The following NAPB variants were observed in gnomAD, a reference collection of about 807,000 sequenced individuals.
NAPB encodes the protein NSF attachment protein beta.
In NAPB, 26 loss-of-function variants were observed where a neutral mutation model predicts 44.7. The observed-to-expected ratio is 0.58, with a 90% CI of 0.43 to 0.81. NAPB has a LOEUF of 0.81. Among genes scored for constraint, NAPB ranks in the 30% least tolerant of loss-of-function variants. The pLI, the probability that NAPB is intolerant of heterozygous loss-of-function variation, is 0.00. For missense variants in NAPB, 315 were observed against 356.4 expected (o/e 0.88, Z 0.94); for synonymous variants, 120 against 116.8 (o/e 1.03, Z -0.18).
chr20:23,383,569 A>T (rs1983218410), intron 7 of NAPB, among the ~76,000 whole-genome samples: 1 of 152,212 alleles, frequency 6.6e-6, no homozygotes. Context: ...GAAAAGAACA[A>T]TCAACTTAGA....
chr20:23,396,844 T>C (rs1984403676), intron 3 of NAPB: 1 of 315,824 alleles, frequency 3.2e-6, no homozygotes, highest in Non-Finnish European at 5.6e-6. Flanking sequence ...AATGATGCTA[T>C]AAAGTAAACA....
chr20:23,380,416 T>C (rs1982902453), intron 8 of NAPB, among the ~76,000 whole-genome samples: 2 of 152,212 alleles, frequency 1.3e-5, no homozygotes, highest in South Asian at 4.1e-4. Context: ...TTTCAACTTC[T>C]TCCCAGTCCT....
At chr20:23,395,102 T>G (rs1458474260) in intron 4 of NAPB, 37 bp downstream of exon 4, 1 of 1,613,926 alleles carries the variant, frequency 6.2e-7, no homozygotes, top group South Asian at 1.1e-5. Flanking sequence ...ATCTCAAGAC[T>G]CCACCCCACA....
chr20:23,398,564 G>C (rs1984556860), intron 2 of NAPB, among the ~76,000 whole-genome samples: 1 of 151,954 alleles, frequency 6.6e-6, no homozygotes, highest in Non-Finnish European at 1.5e-5. Context: ...TTTTTGGCTG[G>C]GTTTGGTGGC....
At chr20:23,385,755 AAGAGAGAAAGAG>A (rs1270148422) in intron 7 of NAPB, among the ~76,000 whole-genome samples, 50 of 148,336 alleles carry the variant, frequency 3.4e-4, no homozygotes, top group African/African-American at 1.0e-3. Context: ...GAGAGAGAGA[AAGAGAGAAAGAG>A]AGAGAGAGAG....
chr20:23,387,189 G>C (rs1317065568), intron 7 of NAPB, among the ~76,000 whole-genome samples: 2 of 152,222 alleles, frequency 1.3e-5, no homozygotes, highest in South Asian at 2.1e-4. Context: ...AATACCCTTT[G>C]ATGATAAAAA....
chr20:23,377,970 T>G (rs960462902), intron 10 of NAPB, among the ~76,000 whole-genome samples: 8 of 152,114 alleles, frequency 5.3e-5, no homozygotes, highest in African/African-American at 1.9e-4. Flanking sequence ...ATTCCTTTCC[T>G]CTATCACTCC....
chr20:23,402,992 C>T lies in NAPB; in HGVS notation c.178+1G>A. On this transcript the variant is annotated splice_donor_variant, in intron 2 of 10. Transcript: ENST00000377026. LOFTEE classifies it high-confidence loss of function. ...AAAGCAAACAAAAACTTTGTACATACCACTCCAATTTTTAGCCATCTTGAA... is the reference window on the plus strand; with the variant it reads ...AAAGCAAACAAAAACTTTGTACATATCACTCCAATTTTTAGCCATCTTGAA... The T allele has an allele frequency of 6.2e-7, 1 of 1,612,604 alleles. No homozygotes were observed. Among genetic ancestry groups the T allele is most frequent in the Non-Finnish European group, 8.5e-7 (1 of 1,178,950 alleles).
At chr20:23,379,351 A>G in intron 10 of NAPB, 94 bp downstream of exon 10, 1 of 984,392 alleles carries the variant, frequency 1.0e-6, no homozygotes, top group Non-Finnish European at 1.5e-6. Context: ...GTCATGTTCA[A>G]ATAAATGTTT....
At chr20:23,383,036 T>TC (rs1035262924) in intron 7 of NAPB, among the ~76,000 whole-genome samples, 1 of 151,664 alleles carries the variant, frequency 6.6e-6, no homozygotes, top group African/African-American at 2.4e-5. Context: ...GCACCTGTAG[T>TC]CCCAGCTACT....
At chr20:23,405,777 A>G (rs746972649) in intron 1 of NAPB, among the ~76,000 whole-genome samples, 10 of 152,246 alleles carry the variant, frequency 6.6e-5, no homozygotes, top group Non-Finnish European at 1.3e-4. Flanking sequence ...CAACCGATTA[A>G]CAGATAAATA....
Position 23,384,718 on chromosome 20 carries a change from C to A in NAPB, c.562-3401G>T, listed in dbSNP as rs117217244. Among the ~76,000 whole-genome samples, 29 of 152,156 alleles carry A rather than the reference C, an allele frequency of 1.9e-4. No homozygotes were observed. The East Asian group carries it at 2.3e-3, about 12-fold the overall frequency. On this transcript the variant is annotated intron_variant, in intron 7 of 10. Coordinates refer to ENST00000377026, the MANE Select transcript of NAPB (RefSeq NM_022080.3). ...AAAAGCAAAGAATAGAAAGCAAAAA[C>A]TAAAATGGCAGAAAGCAGAATTAAG...
At chr20:23,413,306 G>C (rs1004081997) in intron 1 of NAPB, among the ~76,000 whole-genome samples, 1 of 150,942 alleles carries the variant, frequency 6.6e-6, no homozygotes, top group Non-Finnish European at 1.5e-5. Flanking sequence ...TACAATAAAA[G>C]CCTCTTGCAA....
intron 1 of NAPB, 34 bp downstream of exon 1, chr20:23,421,267 ACCCC>A (rs200080949): frequency 0.32 from 446,110 of 1,411,370 alleles, 70,044 homozygotes; most frequent in Admixed American, 0.38. Context: ...AAGTACGGAG[ACCCC>A]CCCCCCCCAG....
chr20:23,379,547 T>A, intron 9 of NAPB, 52 bp from the exon 10 acceptor site: 1 of 1,341,254 alleles, frequency 7.5e-7, no homozygotes. Context: ...GAAGTCCCAT[T>A]TCTAAATATA....
At chr20:23,408,687 A>G (rs1490117554) in intron 1 of NAPB, among the ~76,000 whole-genome samples, 1 of 152,236 alleles carries the variant, frequency 6.6e-6, no homozygotes, top group Non-Finnish European at 1.5e-5. Context: ...ATGTGATGCA[A>G]AAGTAGAGAT....
intron 7 of NAPB, among the ~76,000 whole-genome samples, chr20:23,382,439 C>G (rs1983090697): frequency 6.6e-6 from 1 of 151,954 alleles, no homozygotes; most frequent in Non-Finnish European, 1.5e-5. Context: ...AGATCTCAAG[C>G]TAAATGAAAA....
Position 23,379,454 on chromosome 20 carries a change from G to GT in NAPB, c.776dup (p.Tyr259Ter), listed in dbSNP as rs746847377. The GT allele has an allele frequency of 6.2e-7, 1 of 1,605,422 alleles. No homozygotes were observed. Among genetic ancestry groups the GT allele is most frequent in the Non-Finnish European group, 8.5e-7 (1 of 1,177,608 alleles). The change falls in exon 10 of 11, where the codon TAC becomes TAAC. Residue 259 changes from tyrosine (Y) to a stop codon, truncating the protein, a stop_gained and frameshift_variant. Transcript: ENST00000377026. LOFTEE classifies it high-confidence loss of function. ...EAHEEQNSEA[Y>*]TEAVKEFDSI... ...CAAAAGCATAACTTACTGCTTCAGT[G>GT]TAAGCTTCACTGTTCTGTTCTTCAT...
intron 1 of NAPB, among the ~76,000 whole-genome samples, chr20:23,406,677 G>C (rs1366840122): frequency 2.0e-5 from 3 of 151,904 alleles, no homozygotes; most frequent in African/African-American, 7.3e-5. Context: ...TTCCTAAATG[G>C]AAAATTCCTC....
Sources: gnomAD v4.1 joint callset for allele counts (sites outside exome capture counted in the v4.1 genomes callset) on GRCh38, gnomAD v4.1.1 for gene constraint, MANE v1.5 for transcripts, NCBI Gene and HGNC (gene_info 2026-07-23, HGNC 2026-07-21) for gene names.